The following SVIL variants were observed in gnomAD, a reference collection of about 807,000 sequenced individuals.
SVIL encodes the protein archvillin.
SVIL carries 101 observed loss-of-function variants against 240.4 expected under a neutral mutation model. That is an observed-to-expected ratio of 0.42 (90% confidence interval 0.36 to 0.50). SVIL has a LOEUF of 0.50. Ranked by LOEUF, SVIL falls within the 20% of genes least tolerant of loss-of-function variation. The pLI, the probability that SVIL is intolerant of heterozygous loss-of-function variation, is 0.01. For missense variants in SVIL, 2,512 were observed against 2,818.7 expected, an observed-to-expected ratio of 0.89 and a Z score of 2.46; for synonymous variants, 999 against 1,100.0, an observed-to-expected ratio of 0.91 and a Z score of 1.82.
intron 27 of SVIL, among the ~76,000 whole-genome samples, chr10:29,482,457 G>A (rs540831909): frequency 6.6e-6 from 1 of 152,118 alleles, no homozygotes; most frequent in East Asian, 1.9e-4. Context: ...CAAGTTTCCC[G>A]TCCAATTAAT....
At chr10:29,573,840 C>T (rs1317475816) in intron 1 of SVIL, among the ~76,000 whole-genome samples, 3 of 152,064 alleles carry the variant, frequency 2.0e-5, no homozygotes, top group South Asian at 2.1e-4. Context: ...GGATTACAGG[C>T]GCGCGCCACC....
In SVIL at chr10:29,533,353, A is replaced by G. The variant is rs547943850; in HGVS notation, c.1014T>C (p.His338=). The stretch of plus-strand genomic sequence containing the variant: ...AGTGCTCAGACTGAAATGACACGTA[A>G]TGGACTGGCGCTGGCTGGTGTCTCC... ...TQRRHQPAPV[H]YVSFQSEHSA... Residue 338 remains histidine, a synonymous_variant, in exon 8 of 38, where the codon CAT becomes CAC. Coordinates refer to ENST00000355867, the MANE Select transcript of SVIL (RefSeq NM_021738.3). 3 of 1,614,120 alleles carry G rather than the reference A, an allele frequency of 1.9e-6. No homozygotes were observed. The highest frequency in any genetic ancestry group is 2.7e-5 in the African/African-American group (2 of 75,034).
Position 29,532,580 on chromosome 10 carries a change from T to C in SVIL, c.1787A>G (p.Gln596Arg). Residue 596 changes from glutamine (Q) to arginine (R), a missense_variant, in exon 8 of 38, where the codon CAG becomes CGG. Coordinates refer to ENST00000355867, the MANE Select transcript of SVIL (RefSeq NM_021738.3). ...AGATGCCAGGAACGCACTTCGGAGCTGGGCGACAGAGACTTTTGTGTCCAG... is the reference window on the plus strand; with the variant it reads ...AGATGCCAGGAACGCACTTCGGAGCCGGGCGACAGAGACTTTTGTGTCCAG... ...SMLDTKVSVA[Q>R]LRSAFLASAN... is the part of the protein sequence containing the mutation. 1 of 1,613,588 alleles carries C rather than the reference T, an allele frequency of 6.2e-7. No homozygotes were observed. The highest frequency in any genetic ancestry group is 8.5e-7 in the Non-Finnish European group (1 of 1,179,498).
At chr10:29,518,049 G>C (rs187204747) in intron 16 of SVIL, among the ~76,000 whole-genome samples, 1 of 152,214 alleles carries the variant, frequency 6.6e-6, no homozygotes, top group Non-Finnish European at 1.5e-5. Flanking sequence ...TTTTTTGCTG[G>C]TTATGGTTCA....
At chr10:29,598,302 G>A (rs1276448838) in intron 1 of SVIL, among the ~76,000 whole-genome samples, 1 of 152,118 alleles carries the variant, frequency 6.6e-6, no homozygotes, top group Non-Finnish European at 1.5e-5. Context: ...ATGGTTGCAC[G>A]ACAATGTGGA....
chr10:29,499,563 T>G (rs1948717905), intron 17 of SVIL, among the ~76,000 whole-genome samples: 1 of 152,148 alleles, frequency 6.6e-6, no homozygotes, highest in Non-Finnish European at 1.5e-5. Flanking sequence ...AAAAATAGAT[T>G]GTTTTCATGC....
At chr10:29,729,147 C>A (rs1589591726) in intron 1 of SVIL, among the ~76,000 whole-genome samples, 1 of 152,100 alleles carries the variant, frequency 6.6e-6, no homozygotes, top group African/African-American at 2.4e-5. Flanking sequence ...CTTCTTCCTC[C>A]TAAGGGAAAT....
chr10:29,722,571 C>T (rs747105260), intron 1 of SVIL, among the ~76,000 whole-genome samples: 3 of 152,198 alleles, frequency 2.0e-5, no homozygotes, highest in Non-Finnish European at 2.9e-5. Flanking sequence ...CAATTCAGCA[C>T]CAAACCGGCC....
intron 5 of SVIL, among the ~76,000 whole-genome samples, chr10:29,552,453 C>T (rs990080821): frequency 1.3e-5 from 2 of 149,486 alleles, no homozygotes; most frequent in African/African-American, 4.9e-5. Context: ...ATTCCAGCTA[C>T]TCAGGAGGCT....
chr10:29,618,974 C>T lies in SVIL; in HGVS notation c.-201+15446G>A, dbSNP rs1426394993. Among the ~76,000 whole-genome samples, 4 of 152,128 alleles carry T rather than the reference C, an allele frequency of 2.6e-5. No individual in the cohort carries two copies. In the South Asian group the frequency reaches 8.3e-4, roughly 31 times the overall value. On this transcript the variant is annotated intron_variant, in intron 1 of 37. Transcript: ENST00000355867. ...AAACAGGTAGGAAGGGGATTTTGGGCTAAAAGTGGCAACTCAAGATCCAGG... is the reference window on the plus strand; with the variant it reads ...AAACAGGTAGGAAGGGGATTTTGGGTTAAAAGTGGCAACTCAAGATCCAGG...
At chr10:29,496,066 C>A (rs915086289) in intron 18 of SVIL, among the ~76,000 whole-genome samples, 1 of 152,120 alleles carries the variant, frequency 6.6e-6, no homozygotes, top group Admixed American at 6.5e-5. Context: ...CCTGGACGAA[C>A]AACATCGAGA....
At chr10:29,545,853 C>CAAAAAAAAAAAAAA (rs755360700) in intron 6 of SVIL, among the ~76,000 whole-genome samples, 24 of 63,564 alleles carry the variant, frequency 3.8e-4, no homozygotes, top group Non-Finnish European at 5.2e-4. Context: ...GACTCTGTCT[C>CAAAAAAAAAAAAAA]AAAAAAAAAA....
chr10:29,666,201 A>G (rs1356963041), intron 2 of SVIL, among the ~76,000 whole-genome samples: 1 of 152,210 alleles, frequency 6.6e-6, no homozygotes, highest in African/African-American at 2.4e-5. Flanking sequence ...TACAAGCGTG[A>G]GCCACCGTGT....
chr10:29,667,359 T>A (rs1002382534), intron 2 of SVIL, among the ~76,000 whole-genome samples: 1 of 152,080 alleles, frequency 6.6e-6, no homozygotes, highest in Admixed American at 6.6e-5. Flanking sequence ...GAAGCCAGAC[T>A]CAAAAGACAT....
intron 16 of SVIL, 84 bp from the exon 17 acceptor site, chr10:29,512,945 G>A (rs1425273604): frequency 6.5e-6 from 10 of 1,532,894 alleles, no homozygotes; most frequent in Non-Finnish European, 7.8e-6. Context: ...AAGAGAGGCG[G>A]CTTGGGCCAA....
At chr10:29,614,768 A>C (rs2132886675) in intron 1 of SVIL, among the ~76,000 whole-genome samples, 1 of 152,294 alleles carries the variant, frequency 6.6e-6, no homozygotes, top group Non-Finnish European at 1.5e-5. Context: ...TATGTAACAA[A>C]CCTGCATGTT....
intron 16 of SVIL, among the ~76,000 whole-genome samples, chr10:29,513,700 C>T (rs1316325786): frequency 6.6e-6 from 1 of 152,186 alleles, no homozygotes; most frequent in Non-Finnish European, 1.5e-5. Context: ...TCTTATCCAT[C>T]TTCTTTAGAC....
At chr10:29,520,160 G>C (rs16930380) in intron 16 of SVIL, among the ~76,000 whole-genome samples, 14,134 of 152,258 alleles carry the variant, frequency 0.093, 717 homozygotes, top group African/African-American at 0.12. Context: ...AGATGGGAAG[G>C]CTCCTTTAAA....
intron 2 of SVIL, among the ~76,000 whole-genome samples, chr10:29,565,061 C>T (rs1009642545): frequency 7.2e-5 from 11 of 152,138 alleles, no homozygotes; most frequent in Admixed American, 6.5e-4. Context: ...AAAATCTTTT[C>T]AGGAAAAAAA....
Sources: allele counts gnomAD v4.1 joint callset (sites outside exome capture counted in the v4.1 genomes callset), GRCh38; gene constraint gnomAD v4.1.1; transcripts MANE v1.5; gene names NCBI Gene and HGNC (gene_info 2026-07-23, HGNC 2026-07-21).